Variants in PTPRN2 observed in about 807,000 individuals in gnomAD.
PTPRN2 encodes the protein receptor-type tyrosine-protein phosphatase N2.
In PTPRN2, 74 loss-of-function variants were observed where a neutral mutation model predicts 118.8. The observed-to-expected ratio is 0.62, with a 90% CI of 0.52 to 0.76. PTPRN2 has a LOEUF of 0.76. PTPRN2 is among the 30% of genes least tolerant of loss of function. The pLI is 0.00. For synonymous variants in PTPRN2, 641 were observed against 608.0 expected (o/e 1.05, Z -0.80); for missense variants, 1,481 against 1,394.4 (o/e 1.06, Z -0.99).
At chr7:157,770,585 A>T (rs776052726) in intron 12 of PTPRN2, among the ~76,000 whole-genome samples, 40 of 152,176 alleles carry the variant, frequency 2.6e-4, no homozygotes, top group Admixed American at 5.9e-4. Context: ...TTGGGGAGAA[A>T]TCTTTGTTAA....
At chr7:158,395,298 T>TGAGGGGCGAGGGGG (rs1563239747) in intron 2 of PTPRN2, among the ~76,000 whole-genome samples, 1 of 19,304 alleles carries the variant, frequency 5.2e-5, no homozygotes, top group African/African-American at 1.7e-4. Context: ...GGGTGAGGGG[T>TGAGGGGCGAGGGGG]GAGGGGCGAG....
At chr7:158,163,608 T>G (rs551804098) in intron 6 of PTPRN2, among the ~76,000 whole-genome samples, 1 of 151,750 alleles carries the variant, frequency 6.6e-6, no homozygotes, top group East Asian at 2.0e-4. Context: ...AGGTGGCGCC[T>G]GTACGGGGTT....
At chr7:157,842,779 G>A (rs544652972) in intron 12 of PTPRN2, among the ~76,000 whole-genome samples, 2 of 152,252 alleles carry the variant, frequency 1.3e-5, no homozygotes, top group African/African-American at 4.8e-5. Flanking sequence ...TCAGATCAGA[G>A]GGAATGGAAT....
chr7:158,557,121 C>G (rs1475056974), intron 1 of PTPRN2, among the ~76,000 whole-genome samples: 1 of 129,982 alleles, frequency 7.7e-6, no homozygotes, highest in Non-Finnish European at 1.6e-5. Flanking sequence ...AGGTCGCTCC[C>G]GCGCAGGGCA....
rs563852965 is a variant in PTPRN2, at chr7:158,192,249, G to A, written c.549+78C>T. On this transcript the variant is annotated intron_variant, in intron 5 of 22. Coordinates refer to ENST00000389418, the MANE Select transcript of PTPRN2 (RefSeq NM_002847.5). ...AGGCGCAAAGCCAAGAGGAGCCAGC[G>A]ACTAAGGAAACATGCCCAGGTACCT... The A allele has an allele frequency of 9.5e-5, 128 of 1,349,282 alleles. 1 individual carries two copies. The highest frequency in any genetic ancestry group is 6.0e-4 in the South Asian group (32 of 53,562). 83.6% of individuals were successfully genotyped at this position (1,349,282 alleles called of 1,614,324 possible).
At chr7:157,851,076 C>G (rs879941220) in intron 12 of PTPRN2, among the ~76,000 whole-genome samples, 7 of 152,168 alleles carry the variant, frequency 4.6e-5, no homozygotes, top group Admixed American at 3.3e-4. Flanking sequence ...GTCCCATGGC[C>G]CCGCACACCG....
At chr7:157,765,528 CCATCCAT>C (rs1372375599) in intron 12 of PTPRN2, among the ~76,000 whole-genome samples, 8 of 150,718 alleles carry the variant, frequency 5.3e-5, no homozygotes, top group Non-Finnish European at 7.4e-5. Context: ...ATTCACCCAC[CCATCCAT>C]CATCCATCAT....
chr7:158,106,119 C>T (rs889933606), intron 10 of PTPRN2, among the ~76,000 whole-genome samples: 8 of 152,130 alleles, frequency 5.3e-5, no homozygotes, highest in Non-Finnish European at 1.2e-4. Context: ...CCTGCTCTGT[C>T]CTCAGATTCA....
intron 1 of PTPRN2, among the ~76,000 whole-genome samples, chr7:158,493,164 T>C (rs1284928046): frequency 1.3e-5 from 2 of 152,236 alleles, no homozygotes; most frequent in East Asian, 3.8e-4. Context: ...CTCCTCACTC[T>C]GTATTCACAG....
At chr7:158,476,686 G>GA (rs1475326260) in intron 2 of PTPRN2, among the ~76,000 whole-genome samples, 4 of 152,148 alleles carry the variant, frequency 2.6e-5, no homozygotes, top group Non-Finnish European at 4.4e-5. Flanking sequence ...CTGGAGGCTG[G>GA]AAAAAAAATG....
chr7:158,150,855 T>C (rs1287728467), intron 6 of PTPRN2, among the ~76,000 whole-genome samples: 1 of 151,926 alleles, frequency 6.6e-6, no homozygotes. Flanking sequence ...CTGGCCTCCT[T>C]TCTGTTCTTC....
intron 11 of PTPRN2, among the ~76,000 whole-genome samples, chr7:157,995,125 C>T (rs111989381): frequency 6.9e-6 from 1 of 145,046 alleles, no homozygotes; most frequent in Non-Finnish European, 1.5e-5. Flanking sequence ...CCTAAATCAA[C>T]GCTGCGTCCC....
rs552873907 is a variant in PTPRN2, at chr7:158,317,093, G to T, written c.164-161C>A. On this transcript the variant is annotated intron_variant, in intron 2 of 22. Transcript: ENST00000389418. ...TGTTAGGACCCGGGAGCACCCGGAG[G>T]ATGCTGGTTTGTGAGATAAAAACCG... 2.6e-5 allele frequency among the ~76,000 whole-genome samples: 4 copies of T among 152,348 alleles called. No homozygotes were observed. The South Asian group carries it at 8.3e-4, about 32-fold the overall frequency.
At chr7:158,556,985 G>GGCTCCCACGCAGGTC (rs559881947) in intron 1 of PTPRN2, among the ~76,000 whole-genome samples, 1 of 126,136 alleles carries the variant, frequency 7.9e-6, no homozygotes, top group African/African-American at 3.4e-5. Flanking sequence ...CAGGTCAGGC[G>GGCTCCCACGCAGGTC]GCTCCCACGC....
chr7:158,132,851 C>G (rs1818482490), intron 9 of PTPRN2, among the ~76,000 whole-genome samples: 1 of 145,798 alleles, frequency 6.9e-6, no homozygotes, highest in Non-Finnish European at 1.5e-5. Flanking sequence ...TACACACACA[C>G]ACCTACCCAA....
At chr7:158,038,034 C>T (rs995664281) in intron 11 of PTPRN2, among the ~76,000 whole-genome samples, 1 of 152,182 alleles carries the variant, frequency 6.6e-6, no homozygotes, top group Non-Finnish European at 1.5e-5. Context: ...GTCTGGGCTG[C>T]CAAGGGCTCT....
chr7:158,486,279 C>G (rs1234444915), intron 2 of PTPRN2, among the ~76,000 whole-genome samples: 2 of 152,252 alleles, frequency 1.3e-5, no homozygotes, highest in African/African-American at 4.8e-5. Context: ...GCGACCAGCT[C>G]ACTTCCCGAC....
chr7:158,516,367 T>A (rs1263456722), intron 1 of PTPRN2, among the ~76,000 whole-genome samples: 1 of 152,216 alleles, frequency 6.6e-6, no homozygotes, highest in African/African-American at 2.4e-5. Context: ...TCCAATAACA[T>A]GCAGCCTCTT....
chr7:157,663,343 T>C (rs1263567), intron 13 of PTPRN2, among the ~76,000 whole-genome samples: 110,561 of 152,122 alleles, frequency 0.73, 40,517 homozygotes, highest in East Asian at 0.94. Flanking sequence ...CACGTGCCCC[T>C]GGGAAGACGT....
Sources: gnomAD v4.1 joint callset for allele counts (sites outside exome capture counted in the v4.1 genomes callset) on GRCh38, gnomAD v4.1.1 for gene constraint, MANE v1.5 for transcripts, NCBI Gene and HGNC (gene_info 2026-07-23, HGNC 2026-07-21) for gene names.